Variants in KCNB2 observed in about 807,000 individuals in gnomAD.
The protein encoded by KCNB2 is delayed rectifier potassium channel protein.
A neutral mutation model predicts 61.5 loss-of-function variants in KCNB2; 15 were observed. The observed-to-expected ratio is 0.24, with a 90% confidence interval of 0.16 to 0.38. The LOEUF (loss-of-function observed/expected upper bound fraction) is 0.38. Among genes scored for constraint, KCNB2 ranks in the 10% least tolerant of loss-of-function variants. The probability of loss-of-function intolerance (pLI) is 1.00; values close to 1 mark genes in which losing one functional copy is unlikely to be tolerated. For missense variants in KCNB2, 828 were observed against 1,125.2 expected (o/e 0.74, Z 3.78); for synonymous variants, 457 against 446.0 (o/e 1.02, Z -0.31).
At chr8:72,758,388 T>C (rs1808325802) in intron 2 of KCNB2, among the ~76,000 whole-genome samples, 2 of 152,030 alleles carry the variant, frequency 1.3e-5, no homozygotes, top group Non-Finnish European at 2.9e-5. Flanking sequence ...TGTGGCAAAG[T>C]CCAGGGTCCA....
intron 2 of KCNB2, among the ~76,000 whole-genome samples, chr8:72,623,779 C>G (rs764617556): frequency 5.3e-5 from 8 of 152,140 alleles, no homozygotes; most frequent in Admixed American, 2.6e-4. Context: ...CTTTACTCTC[C>G]TTATTTAATA....
chr8:72,874,052 A>G (rs1447675176), intron 2 of KCNB2, among the ~76,000 whole-genome samples: 1 of 152,272 alleles, frequency 6.6e-6, no homozygotes, highest in African/African-American at 2.4e-5. Context: ...AAGAAATATC[A>G]GTAGGCAACT....
chr8:72,662,344 C>T (rs2962308), intron 2 of KCNB2, among the ~76,000 whole-genome samples: 18,585 of 152,164 alleles, frequency 0.12, 1,636 homozygotes, highest in East Asian at 0.51. Context: ...CATGGCCAAA[C>T]CAGTATAGGG....
intron 2 of KCNB2, among the ~76,000 whole-genome samples, chr8:72,933,996 T>C (rs956942634): frequency 2.6e-5 from 4 of 152,228 alleles, no homozygotes; most frequent in Non-Finnish European, 5.9e-5. Context: ...AATCTTTATT[T>C]ACTCTACAAC....
At chr8:72,560,775 T>C (rs376653959) in intron 1 of KCNB2, among the ~76,000 whole-genome samples, 1 of 152,206 alleles carries the variant, frequency 6.6e-6, no homozygotes, top group South Asian at 2.1e-4. Flanking sequence ...CAAGATGCTT[T>C]ATAATTCAAT....
chr8:72,873,387 T>C lies in KCNB2; in HGVS notation c.580-62548T>C, dbSNP rs531991436. On this transcript the variant is annotated intron_variant, in intron 2 of 2. Coordinates refer to ENST00000523207, the MANE Select transcript of KCNB2 (RefSeq NM_004770.3). ...TGAGAGTCAACATGACTTTGAAACC[T>C]GGCTCAGACACAAGCCATGTGGCCT... Among the ~76,000 whole-genome samples, 401 of 152,348 alleles carry C rather than the reference T, an allele frequency of 2.6e-3. 4 individuals are homozygous for C. Among genetic ancestry groups the C allele is most frequent in the African/African-American group, 9.1e-3 (377 of 41,582 alleles).
chr8:72,895,003 G>A (rs1805968124), intron 2 of KCNB2, among the ~76,000 whole-genome samples: 1 of 152,068 alleles, frequency 6.6e-6, no homozygotes, highest in Non-Finnish European at 1.5e-5. Flanking sequence ...GTGATCCACT[G>A]GACCCTCCCC....
At chr8:72,786,159 T>A (rs1461444143) in intron 2 of KCNB2, among the ~76,000 whole-genome samples, 1 of 151,976 alleles carries the variant, frequency 6.6e-6, no homozygotes, top group Non-Finnish European at 1.5e-5. Context: ...TCATGTCAAA[T>A]CCTACAAGCA....
intron 2 of KCNB2, among the ~76,000 whole-genome samples, chr8:72,902,890 C>A (rs1806112619): frequency 6.6e-6 from 1 of 152,120 alleles, no homozygotes; most frequent in Admixed American, 6.6e-5. Flanking sequence ...GGAAAAATGT[C>A]TAAACAATAA....
At chr8:72,812,464 G>C (rs16938400) in intron 2 of KCNB2, among the ~76,000 whole-genome samples, 3,351 of 151,950 alleles carry the variant, frequency 0.022, 68 homozygotes, top group African/African-American at 0.054. Context: ...ATACTTTTTT[G>C]TTTCTCCAGT....
chr8:72,585,020 C>T (rs1017578492), intron 2 of KCNB2, among the ~76,000 whole-genome samples: 6 of 152,194 alleles, frequency 3.9e-5, no homozygotes, highest in South Asian at 2.1e-4. Flanking sequence ...GGGATGTACC[C>T]ACCTCTCGTG....
chr8:72,824,303 C>T (rs917369354), intron 2 of KCNB2, among the ~76,000 whole-genome samples: 1 of 152,108 alleles, frequency 6.6e-6, no homozygotes, highest in African/African-American at 2.4e-5. Context: ...TCCCTGTAAG[C>T]TGGCTTCCTG....
At chr8:72,704,517 G>C (rs1807186699) in intron 2 of KCNB2, among the ~76,000 whole-genome samples, 1 of 93,376 alleles carries the variant, frequency 1.1e-5, no homozygotes, top group African/African-American at 1.2e-4. Context: ...GTGTGTGTGT[G>C]TGTGTGTGTG....
chr8:72,864,044 C>A (rs931194553), intron 2 of KCNB2, among the ~76,000 whole-genome samples: 2 of 152,132 alleles, frequency 1.3e-5, no homozygotes, highest in Admixed American at 1.3e-4. Context: ...TTTTTGCACA[C>A]TTACCCACGT....
rs1425296234 is a variant in KCNB2 at position 72,537,349 on chromosome 8, A to ACCCACCG, written c.-626_-620dup. 8.0e-4 allele frequency: 117 copies of ACCCACCG among 146,970 alleles called. No individual in the cohort carries two copies. The highest frequency in any genetic ancestry group is 5.0e-3 in the East Asian group (19 of 3,806). The allele number at this position is 146,970 out of a possible 1,614,324, so 9.1% of individuals were successfully genotyped here. A position where few individuals can be genotyped will look rare whatever the true frequency, so the allele number is the denominator to read the frequency against. ...CGCCACAGACACACACCCACCAAGC[A>ACCCACCG]CCCACCGCCCTCCGCCCTCCGCCCT... On this transcript the variant is annotated 5_prime_UTR_variant, in exon 1 of 3. Transcript: ENST00000523207.
At chr8:72,746,727 C>G (rs1221681717) in intron 2 of KCNB2, among the ~76,000 whole-genome samples, 1 of 152,124 alleles carries the variant, frequency 6.6e-6, no homozygotes, top group African/African-American at 2.4e-5. Flanking sequence ...GATTGCTGGG[C>G]CTGCACTGAC....
At chr8:72,572,788 G>A (rs193123654) in intron 2 of KCNB2, among the ~76,000 whole-genome samples, 3 of 152,180 alleles carry the variant, frequency 2.0e-5, no homozygotes, top group African/African-American at 7.2e-5. Flanking sequence ...ATGGTACTAC[G>A]TAAGTTTTTT....
At chr8:72,852,131 A>T (rs1423757043) in intron 2 of KCNB2, among the ~76,000 whole-genome samples, 10 of 152,162 alleles carry the variant, frequency 6.6e-5, no homozygotes, top group Non-Finnish European at 1.5e-5. Flanking sequence ...TTGGTGGCGC[A>T]CATCTGTAGT....
At chr8:72,921,666 A>G (rs1362471248) in intron 2 of KCNB2, among the ~76,000 whole-genome samples, 1 of 152,026 alleles carries the variant, frequency 6.6e-6, no homozygotes, top group African/African-American at 2.4e-5. Context: ...TTCCTTATTT[A>G]TATTTCTCCC....
Sources: allele counts gnomAD v4.1 joint callset (sites outside exome capture counted in the v4.1 genomes callset), GRCh38; gene constraint gnomAD v4.1.1; transcripts MANE v1.5; gene names NCBI Gene and HGNC (gene_info 2026-07-23, HGNC 2026-07-21).